The following GALNT13 variants were observed in gnomAD, a reference collection of about 807,000 sequenced individuals.
GALNT13 encodes the protein polypeptide N-acetylgalactosaminyltransferase 13.
In GALNT13, 28 loss-of-function variants were observed where a neutral mutation model predicts 64.2. That is an observed-to-expected ratio of 0.44 (90% CI 0.32 to 0.60). GALNT13 has a LOEUF of 0.60. GALNT13 is among the 20% of genes least tolerant of loss of function. The pLI, the probability that GALNT13 is intolerant of heterozygous loss-of-function variation, is 0.05. For synonymous variants in GALNT13, 214 were observed against 224.6 expected (o/e 0.95, Z 0.42); for missense variants, 577 against 669.8 (o/e 0.86, Z 1.53).
the GALNT13 span, among the ~76,000 whole-genome samples, chr2:153,447,147 T>C: frequency 1.1e-4 from 17 of 152,210 alleles, no homozygotes; most frequent in African/African-American, 3.9e-4. Context: ...ACTGCAAGCG[T>C]AAACATAAAA....
At chr2:153,293,787 GTGTGTC>G in the GALNT13 span, among the ~76,000 whole-genome samples, 220 of 121,554 alleles carry the variant, frequency 1.8e-3, no homozygotes, top group African/African-American at 3.3e-3. Context: ...GTGTGTGTGT[GTGTGTC>G]TGTGTGTGTG....
the GALNT13 span, among the ~76,000 whole-genome samples, chr2:153,455,100 A>G: frequency 6.6e-6 from 1 of 152,004 alleles, no homozygotes; most frequent in African/African-American, 2.4e-5. Context: ...GGGTTGGGTA[A>G]GGAAGAAGGA....
At chr2:153,923,402 C>T (rs1326399961) in intron 2 of GALNT13, among the ~76,000 whole-genome samples, 1 of 152,104 alleles carries the variant, frequency 6.6e-6, no homozygotes, top group Non-Finnish European at 1.5e-5. Flanking sequence ...TATACTACTA[C>T]TTTATTAGTT....
the GALNT13 span, among the ~76,000 whole-genome samples, chr2:153,565,335 A>G: frequency 1.3e-5 from 2 of 152,094 alleles, no homozygotes; most frequent in African/African-American, 4.8e-5. Flanking sequence ...TCAAACTCAC[A>G]GGCTTTTTTC....
At chr2:153,074,855 T>C in the GALNT13 span, among the ~76,000 whole-genome samples, 74 of 152,292 alleles carry the variant, frequency 4.9e-4, no homozygotes, top group Non-Finnish European at 1.2e-4. Flanking sequence ...TCACCTCAAC[T>C]GGCTGAGTAG....
intron 3 of GALNT13, among the ~76,000 whole-genome samples, chr2:154,008,235 A>C (rs1293604748): frequency 6.6e-6 from 1 of 151,992 alleles, no homozygotes; most frequent in Admixed American, 6.6e-5. Flanking sequence ...ATTCAATATG[A>C]TGTTGACTAT....
At chr2:153,738,452 C>A in the GALNT13 span, among the ~76,000 whole-genome samples, 1 of 151,890 alleles carries the variant, frequency 6.6e-6, no homozygotes, top group African/African-American at 2.4e-5. Context: ...AATGTTGCCT[C>A]CCTTACGAAC....
At chr2:153,394,148 G>T in the GALNT13 span, among the ~76,000 whole-genome samples, 1 of 152,060 alleles carries the variant, frequency 6.6e-6, no homozygotes, top group Non-Finnish European at 1.5e-5. Context: ...TCCTGCCTCA[G>T]AAAATGTAAA....
intron 8 of GALNT13, among the ~76,000 whole-genome samples, chr2:154,290,571 G>A (rs1345440417): frequency 6.6e-6 from 1 of 152,186 alleles, no homozygotes; most frequent in African/African-American, 2.4e-5. Context: ...TAAAAGGCCA[G>A]AACCACAGGA....
At chr2:154,436,351 T>C (rs190745864) in intron 11 of GALNT13, 1 of 152,238 alleles carries the variant, frequency 6.6e-6, no homozygotes, top group Non-Finnish European at 1.5e-5. Flanking sequence ...TATGGTAGAC[T>C]GCTCTCTGAA....
At chr2:153,158,509 G>C in the GALNT13 span, among the ~76,000 whole-genome samples, 2 of 151,996 alleles carry the variant, frequency 1.3e-5, no homozygotes, top group African/African-American at 4.8e-5. Flanking sequence ...GTCTATTCCT[G>C]GACTCTTAAC....
chr2:153,653,128 A>G, the GALNT13 span, among the ~76,000 whole-genome samples: 1 of 152,150 alleles, frequency 6.6e-6, no homozygotes, highest in African/African-American at 2.4e-5. Flanking sequence ...AAATTTATCT[A>G]CTATTTTTGT....
At chr2:154,301,165 T>C (rs1693418791) in intron 8 of GALNT13, among the ~76,000 whole-genome samples, 1 of 152,170 alleles carries the variant, frequency 6.6e-6, no homozygotes, top group African/African-American at 2.4e-5. Context: ...AATTAGGTAT[T>C]CTAATAAAGA....
chr2:153,498,599 C>T, the GALNT13 span, among the ~76,000 whole-genome samples: 5 of 152,212 alleles, frequency 3.3e-5, no homozygotes, highest in Admixed American at 6.5e-5. Flanking sequence ...GTGGCTTCCT[C>T]TGCGGGCACC....
At chr2:153,469,679 T>G in the GALNT13 span, among the ~76,000 whole-genome samples, 2 of 152,130 alleles carry the variant, frequency 1.3e-5, no homozygotes, top group African/African-American at 4.8e-5. Context: ...CCGGGCAGCA[T>G]TTCCAAGCAA....
chr2:153,735,932 C>G, the GALNT13 span, among the ~76,000 whole-genome samples: 1 of 152,070 alleles, frequency 6.6e-6, no homozygotes, highest in Non-Finnish European at 1.5e-5. Flanking sequence ...TGGTAGTTAC[C>G]AAGTTTATCG....
the GALNT13 span, among the ~76,000 whole-genome samples, chr2:153,702,346 G>A: frequency 2.0e-5 from 3 of 152,072 alleles, no homozygotes; most frequent in Admixed American, 2.0e-4. Flanking sequence ...GGCCTGCTGA[G>A]GGTTAGGGGC....
intron 3 of GALNT13, among the ~76,000 whole-genome samples, chr2:154,026,734 A>G (rs933197314): frequency 1.3e-5 from 2 of 152,178 alleles, no homozygotes; most frequent in Admixed American, 1.3e-4. Context: ...TACAAACCCT[A>G]GCTCCAAATA....
chr2:153,071,983 A>G, the GALNT13 span, among the ~76,000 whole-genome samples: 2 of 152,194 alleles, frequency 1.3e-5, no homozygotes, highest in Admixed American at 6.5e-5. Flanking sequence ...TCCTGTAACT[A>G]GCTCGTCTCT....
Sources: allele counts gnomAD v4.1 joint callset (sites outside exome capture counted in the v4.1 genomes callset), GRCh38; gene constraint gnomAD v4.1.1; transcripts MANE v1.5; gene names NCBI Gene and HGNC (gene_info 2026-07-23, HGNC 2026-07-21).